The following PAX3 variants were observed in gnomAD, a reference collection of about 807,000 sequenced individuals.
PAX3 encodes paired box 3.
In PAX3, 14 loss-of-function variants were observed where a neutral mutation model predicts 51.6. The ratio of observed to expected loss-of-function variants is 0.27; its 90% CI spans 0.18 to 0.42. The LOEUF (loss-of-function observed/expected upper bound fraction) is 0.42, where lower values mean the gene tolerates loss of function less well. PAX3 is among the 10% of genes least tolerant of loss of function. PAX3 has a pLI of 1.00. For synonymous variants in PAX3, 280 were observed against 253.4 expected, an observed-to-expected ratio of 1.11 and a Z score of -1.00; for missense variants, 540 against 642.8, an observed-to-expected ratio of 0.84 and a Z score of 1.73.
At chr2:222,237,326 G>GCACGCA (rs1692835542) in intron 4 of PAX3, among the ~76,000 whole-genome samples, 1 of 146,456 alleles carries the variant, frequency 6.8e-6, no homozygotes, top group East Asian at 2.0e-4. Flanking sequence ...TTTATCACAT[G>GCACGCA]CACACACACA....
At chr2:222,266,152 A>C (rs531829507) in intron 4 of PAX3, among the ~76,000 whole-genome samples, 1 of 152,356 alleles carries the variant, frequency 6.6e-6, no homozygotes, top group South Asian at 2.1e-4. Context: ...TGGAGCCTAC[A>C]CGGAAACATA....
intron 2 of PAX3, among the ~76,000 whole-genome samples, chr2:222,296,531 G>T (rs1366961521): frequency 6.6e-6 from 1 of 152,120 alleles, no homozygotes; most frequent in African/African-American, 2.4e-5. Context: ...TTTGCACTGG[G>T]GGAGACTGAG....
chr2:222,208,437 C>T (rs1049461079), intron 7 of PAX3, among the ~76,000 whole-genome samples: 24 of 152,066 alleles, frequency 1.6e-4, no homozygotes, highest in Admixed American at 1.6e-3. Context: ...GACCCTGACA[C>T]ATTTGCAGCA....
At chr2:222,260,590 T>G (rs1693821042) in intron 4 of PAX3, among the ~76,000 whole-genome samples, 21 of 47,558 alleles carry the variant, frequency 4.4e-4, no homozygotes, top group African/African-American at 9.8e-4. Context: ...TTTTTTTTTT[T>G]GTTTTTTTTT....
chr2:222,225,845 GCT>G (rs1692362224), intron 5 of PAX3, among the ~76,000 whole-genome samples: 2 of 152,190 alleles, frequency 1.3e-5, no homozygotes, highest in African/African-American at 4.8e-5. Context: ...AAGAATTGAA[GCT>G]CTGTTTTGCT....
At position 222,201,992 on chromosome 2, in the gene PAX3, A is replaced by G. The variant is rs763426571; in HGVS notation, c.1372T>C (p.Tyr458His). The change falls in exon 8 of 9, where the codon TAC (tyrosine) becomes CAC (histidine). Residue 458 changes from tyrosine (Y) to histidine (H), a missense_variant. Coordinates refer to ENST00000392070, the MANE Select transcript of PAX3 (RefSeq NM_181458.4). The part of the protein sequence containing the change: ...YCPPTYSTTG[Y>H]SMDPVTGYQY... Reference sequence around the variant, plus strand: ...TAGCCTGTGACAGGGTCCATACTGTAGCCTGTGGTGCTATAGGTGGGTGGA... The same window carrying G: ...TAGCCTGTGACAGGGTCCATACTGTGGCCTGTGGTGCTATAGGTGGGTGGA... 6 of 1,614,044 alleles carry G rather than the reference A, an allele frequency of 3.7e-6. No individual in the cohort carries two copies. The highest frequency in any genetic ancestry group is 4.2e-6 in the Non-Finnish European group (5 of 1,179,980).
chr2:222,229,753 A>C (rs1396367127), intron 5 of PAX3, among the ~76,000 whole-genome samples: 24 of 152,198 alleles, frequency 1.6e-4, no homozygotes, highest in Non-Finnish European at 5.9e-5. Context: ...CTAGAGTGAA[A>C]AAGAAAGGTT....
At chr2:222,256,450 G>A (rs569489119) in intron 4 of PAX3, among the ~76,000 whole-genome samples, 1 of 151,864 alleles carries the variant, frequency 6.6e-6, no homozygotes, top group East Asian at 2.0e-4. Context: ...CACTGAGGCA[G>A]GCACTTCCTG....
At chr2:222,263,777 C>T (rs1242901172) in intron 4 of PAX3, 1 of 152,070 alleles carries the variant, frequency 6.6e-6, no homozygotes, top group Non-Finnish European at 1.5e-5. Context: ...TGTGGCATAC[C>T]CATTCAGTAG....
chr2:222,244,129 C>G (rs1200508788), intron 4 of PAX3, among the ~76,000 whole-genome samples: 2 of 152,176 alleles, frequency 1.3e-5, no homozygotes, highest in Admixed American at 6.5e-5. Flanking sequence ...GCAAACCAGT[C>G]AAAATGACTA....
At position 222,200,497 on chromosome 2, in the gene PAX3, C is replaced by T; in HGVS notation, c.*911G>A. ...ATTATGGGCTGTGAAAATAAAAGCA[C>T]CTGCAAAAATATACTTCTGATTTTG... On this transcript the variant is annotated 3_prime_UTR_variant, in exon 9 of 9. Transcript: ENST00000392070. 4.3e-6 allele frequency: 1 copy of T among 230,838 alleles called. No homozygotes were observed. The allele number at this position is 230,838 out of a possible 1,614,324, so 14.3% of individuals were successfully genotyped here.
intron 1 of PAX3, among the ~76,000 whole-genome samples, chr2:222,297,575 A>G (rs537705922): frequency 6.6e-6 from 1 of 152,292 alleles, no homozygotes; most frequent in Admixed American, 6.5e-5. Flanking sequence ...TTCACCCAGG[A>G]GCTGGCCTTG....
At chr2:222,292,180 C>A (rs1695067187) in intron 4 of PAX3, among the ~76,000 whole-genome samples, 1 of 152,200 alleles carries the variant, frequency 6.6e-6, no homozygotes, top group Non-Finnish European at 1.5e-5. Flanking sequence ...CATAAAACTT[C>A]CCGGCGCAGC....
In PAX3 at chr2:222,213,305, G is replaced by C. The variant is rs1260209922; in HGVS notation, c.1173+6835C>G. Among the ~76,000 whole-genome samples the C allele has an allele frequency of 2.0e-5, 3 of 152,102 alleles. No individual in the cohort carries two copies. The East Asian group carries it at 5.8e-4, about 29-fold the overall frequency. On this transcript the variant is annotated intron_variant, in intron 7 of 8. Coordinates refer to ENST00000392070, the MANE Select transcript of PAX3 (RefSeq NM_181458.4). Reference sequence around the variant, plus strand: ...CTTAAGTGTAGCGACCACAGCCTTAGAGAAAAACCAAAAGTACCAGGTCAA... The same window carrying C: ...CTTAAGTGTAGCGACCACAGCCTTACAGAAAAACCAAAAGTACCAGGTCAA...
At chr2:222,257,732 T>A (rs1327851041) in intron 4 of PAX3, among the ~76,000 whole-genome samples, 1 of 152,198 alleles carries the variant, frequency 6.6e-6, no homozygotes, top group Non-Finnish European at 1.5e-5. Flanking sequence ...GCCCTTCGCA[T>A]CTGACAGCAG....
Position 222,220,271 on chromosome 2 carries a change from G to A in PAX3, c.1042C>T (p.Pro348Ser). 6.2e-7 allele frequency: 1 copy of A among 1,614,092 alleles called. No individual in the cohort carries two copies. The highest frequency in any genetic ancestry group is 8.5e-7 in the Non-Finnish European group (1 of 1,179,974). ...AGGCAGTAGGCAGAGCTGCTGTCTG[G>A]GTTGGAAGGAATCGTGCTTTGGTGT... ...TVHQSTIPSNPDSSSAYCLPS... is the reference protein window; with the variant it reads ...TVHQSTIPSNSDSSSAYCLPS... Residue 348 changes from proline (P) to serine (S), a missense_variant, in exon 7 of 9, where the codon CCA (proline) becomes TCA (serine). By Grantham distance (74) the Pro-to-Ser change is moderately conservative. This residue lies in a region of PAX3 where 427 missense variants were observed against 483.6 expected (regional missense o/e 0.88). Transcript: ENST00000392070.
chr2:222,256,846 A>G (rs1191198778), intron 4 of PAX3, among the ~76,000 whole-genome samples: 1 of 152,222 alleles, frequency 6.6e-6, no homozygotes, highest in East Asian at 1.9e-4. Context: ...AGACTGGCCC[A>G]AAACTTATTC....
chr2:222,212,709 G>A (rs1417216499), intron 7 of PAX3, among the ~76,000 whole-genome samples: 1 of 151,388 alleles, frequency 6.6e-6, no homozygotes, highest in Non-Finnish European at 1.5e-5. Context: ...GTAGTACAAA[G>A]CACACATTCA....
At chr2:222,232,762 T>A (rs1692646882) in intron 4 of PAX3, among the ~76,000 whole-genome samples, 1 of 152,190 alleles carries the variant, frequency 6.6e-6, no homozygotes, top group Non-Finnish European at 1.5e-5. Context: ...CATTATGAAA[T>A]CTGTTAAATG....
Sources: allele counts gnomAD v4.1 joint callset (sites outside exome capture counted in the v4.1 genomes callset), GRCh38; gene constraint gnomAD v4.1.1; regional missense constraint gnomAD v4.1.1; transcripts MANE v1.5; gene names NCBI Gene and HGNC (gene_info 2026-07-23, HGNC 2026-07-21).